The following RPSA2 variants were observed in gnomAD, a reference collection of about 807,000 sequenced individuals.
RPSA2 encodes the protein small ribosomal subunit protein uS2B.
the RPSA2 span, among the ~76,000 whole-genome samples, chr19:23,789,941 G>A: frequency 2.6e-5 from 4 of 152,086 alleles, no homozygotes; most frequent in Non-Finnish European, 5.9e-5. Context: ...GGCTTGGAAA[G>A]TGCTGGTATT....
the RPSA2 span, among the ~76,000 whole-genome samples, chr19:23,860,791 C>A: frequency 6.6e-6 from 1 of 152,168 alleles, no homozygotes; most frequent in East Asian, 1.9e-4. Context: ...GCATGCATGA[C>A]TTCAATTCTC....
the RPSA2 span, among the ~76,000 whole-genome samples, chr19:23,867,363 A>T: frequency 5.9e-5 from 9 of 152,230 alleles, no homozygotes; most frequent in Non-Finnish European, 1.3e-4. Context: ...AAATATAGCT[A>T]TCAATTTATG....
At chr19:23,820,698 C>CTCT in the RPSA2 span, among the ~76,000 whole-genome samples, 1 of 101,456 alleles carries the variant, frequency 9.9e-6, no homozygotes, top group Non-Finnish European at 2.1e-5. Context: ...AAAACTCCTC[C>CTCT]TTATATATAG....
the RPSA2 span, among the ~76,000 whole-genome samples, chr19:23,868,130 A>G: frequency 1.3e-5 from 2 of 152,182 alleles, no homozygotes; most frequent in South Asian, 2.1e-4. Flanking sequence ...AATTAAACCA[A>G]TGGGTGCATT....
At chr19:23,799,459 G>A in the RPSA2 span, 1 of 152,356 alleles carries the variant, frequency 6.6e-6, no homozygotes, top group African/African-American at 2.4e-5. Context: ...GTTCTACCCA[G>A]GGAGGCTCTC....
chr19:23,861,218 A>G, the RPSA2 span, among the ~76,000 whole-genome samples: 1 of 152,172 alleles, frequency 6.6e-6, no homozygotes, highest in Non-Finnish European at 1.5e-5. Context: ...ATAACAATAG[A>G]CCTGTCCTCA....
the RPSA2 span, among the ~76,000 whole-genome samples, chr19:23,859,159 A>C: frequency 3.9e-5 from 6 of 152,330 alleles, no homozygotes; most frequent in African/African-American, 1.4e-4. Flanking sequence ...TTAATTTATT[A>C]GTTAAAATTG....
chr19:23,845,269 A>ATTTTTTTTTTTTTTTTTTTTTTTTTTT, the RPSA2 span, among the ~76,000 whole-genome samples: 1 of 7,266 alleles, frequency 1.4e-4, no homozygotes, highest in Non-Finnish European at 1.2e-3. Flanking sequence ...TTCTGTTCTG[A>ATTTTTTTTTTTTTTTTTTTTTTTTTTT]TTTATGTTTT....
At chr19:23,791,589 A>G in the RPSA2 span, among the ~76,000 whole-genome samples, 1 of 152,076 alleles carries the variant, frequency 6.6e-6, no homozygotes, top group African/African-American at 2.4e-5. Context: ...CCCTCATCCC[A>G]TATTCCTCCA....
chr19:23,828,811 C>A, the RPSA2 span, among the ~76,000 whole-genome samples: 1 of 151,322 alleles, frequency 6.6e-6, no homozygotes, highest in Admixed American at 6.6e-5. Flanking sequence ...TATTAACATT[C>A]TTTCTTGTTT....
chr19:23,853,090 G>C, the RPSA2 span, among the ~76,000 whole-genome samples: 2 of 152,212 alleles, frequency 1.3e-5, no homozygotes, highest in African/African-American at 4.8e-5. Context: ...GCTGGCAGAT[G>C]GTAGGGCTAT....
chr19:23,819,922 A>G, the RPSA2 span, among the ~76,000 whole-genome samples: 1 of 152,196 alleles, frequency 6.6e-6, no homozygotes, highest in Admixed American at 6.5e-5. Context: ...TTCTTGAACT[A>G]TCTTGGCTAT....
the RPSA2 span, among the ~76,000 whole-genome samples, chr19:23,840,288 CTA>C: frequency 1.3e-5 from 2 of 152,212 alleles, no homozygotes; most frequent in African/African-American, 2.4e-5. Flanking sequence ...TAATTCTCCC[CTA>C]TGTTTCAGAG....
At chr19:23,854,236 C>T in the RPSA2 span, among the ~76,000 whole-genome samples, 3 of 152,166 alleles carry the variant, frequency 2.0e-5, no homozygotes, top group Admixed American at 2.0e-4. Flanking sequence ...AGGTGGATGC[C>T]CTACCTAACA....
At chr19:23,851,793 C>T in the RPSA2 span, among the ~76,000 whole-genome samples, 2 of 152,158 alleles carry the variant, frequency 1.3e-5, no homozygotes, top group Admixed American at 6.5e-5. Context: ...GTCGAAGGAC[C>T]ACCCAATAAG....
At chr19:23,826,032 A>C in the RPSA2 span, among the ~76,000 whole-genome samples, 1 of 312 alleles carries the variant, frequency 3.2e-3, no homozygotes, top group African/African-American at 3.6e-3. Context: ...ATTTCTTGTC[A>C]AAAAAAAACA....
At chr19:23,845,558 C>T in the RPSA2 span, among the ~76,000 whole-genome samples, 1 of 152,218 alleles carries the variant, frequency 6.6e-6, no homozygotes, top group Non-Finnish European at 1.5e-5. Context: ...GTGGAACAAT[C>T]TTGGCTCACT....
At chr19:23,814,651 C>T in the RPSA2 span, among the ~76,000 whole-genome samples, 1 of 152,232 alleles carries the variant, frequency 6.6e-6, no homozygotes, top group African/African-American at 2.4e-5. Flanking sequence ...AATTTGTCTA[C>T]CACTGTAAGT....
chr19:23,848,096 G>C, the RPSA2 span, among the ~76,000 whole-genome samples: 1 of 152,120 alleles, frequency 6.6e-6, no homozygotes, highest in Non-Finnish European at 1.5e-5. Flanking sequence ...TTATCACAAG[G>C]TTCTGAGGTG....
Sources: gnomAD v4.1 joint callset for allele counts (sites outside exome capture counted in the v4.1 genomes callset) on GRCh38, gnomAD v4.1.1 for gene constraint, MANE v1.5 for transcripts, NCBI Gene and HGNC (gene_info 2026-07-23, HGNC 2026-07-21) for gene names.